GRK7: variants seen among roughly 807,000 people sequenced by gnomAD.
GRK7 encodes rhodopsin kinase GRK7.
In GRK7, 24 loss-of-function variants were observed where a neutral mutation model predicts 34.1. That is an observed-to-expected ratio of 0.70 (90% CI 0.51 to 0.99). GRK7 has a LOEUF of 0.99. Among genes scored for constraint, GRK7 ranks in the 50% least tolerant of loss-of-function variants. GRK7 has a pLI of 0.00. For missense variants in GRK7, 644 were observed against 707.3 expected (o/e 0.91, Z 1.02); for synonymous variants, 256 against 279.4 (o/e 0.92, Z 0.84).
At chr3:141,763,372 A>G (rs886929552), upstream of GRK7, among the ~76,000 whole-genome samples, 2 of 152,158 alleles carry the variant, frequency 1.3e-5, no homozygotes, top group Non-Finnish European at 2.9e-5. Flanking sequence ...GGTGAATGCA[A>G]AGTGAAAGGA....
At chr3:141,762,249 A>C (rs1056198986), upstream of GRK7, among the ~76,000 whole-genome samples, 1 of 151,726 alleles carries the variant, frequency 6.6e-6, no homozygotes, top group African/African-American at 2.4e-5. Flanking sequence ...TTGTGGTTTT[A>C]TCTACTTTTG....
At chr3:141,808,775 G>T (rs1210546777) in intron 5 of GRK7, among the ~76,000 whole-genome samples, 1 of 152,118 alleles carries the variant, frequency 6.6e-6, no homozygotes, top group Non-Finnish European at 1.5e-5. Flanking sequence ...GGAGAAATGG[G>T]AAGTTGTCTA....
chr3:141,792,419 A>G (rs1282633298), intron 4 of GRK7, among the ~76,000 whole-genome samples: 6 of 150,884 alleles, frequency 4.0e-5, no homozygotes, highest in African/African-American at 1.2e-4. Flanking sequence ...AAAAAAAAAA[A>G]GGGAACTTAA....
intron 2 of GRK7, among the ~76,000 whole-genome samples, chr3:141,776,808 CT>C (rs377256053): frequency 7.5e-6 from 1 of 133,798 alleles, no homozygotes; most frequent in African/African-American, 4.1e-5. Context: ...CTCCCTCTCT[CT>C]TTTTTTTGCT....
At position 141,784,295 on chromosome 3, in the gene GRK7, A is replaced by G. The variant is rs568825219; in HGVS notation, c.1050+3484A>G. The stretch of plus-strand genomic sequence containing the variant: ...TACTTAGTAGAGAGGCTCACTGCCT[A>G]CAGACCTTTGGCCCTTTTACCTCTG... On this transcript the variant is annotated intron_variant, in intron 4 of 5. Transcript: ENST00000682958. Among the ~76,000 whole-genome samples, 5 of 152,314 alleles carry G rather than the reference A, an allele frequency of 3.3e-5. No individual in the cohort carries two copies. The South Asian group carries it at 8.3e-4, about 25-fold the overall frequency.
At chr3:141,807,392 T>C (rs979364983) in intron 4 of GRK7, among the ~76,000 whole-genome samples, 1 of 152,194 alleles carries the variant, frequency 6.6e-6, no homozygotes, top group South Asian at 2.1e-4. Flanking sequence ...TCCCTTTTCA[T>C]GTGACCTTAG....
At chr3:141,773,740 C>T (rs188169685) in intron 1 of GRK7, among the ~76,000 whole-genome samples, 1 of 152,178 alleles carries the variant, frequency 6.6e-6, no homozygotes, top group Non-Finnish European at 1.5e-5. Context: ...AAAGCTAATA[C>T]TTTTTGATCA....
chr3:141,795,317 A>G (rs1246319591), intron 4 of GRK7, among the ~76,000 whole-genome samples: 1 of 53,888 alleles, frequency 1.9e-5, no homozygotes, highest in East Asian at 3.7e-4. Flanking sequence ...TCTAGTGGGT[A>G]GAGGCAGGGA....
At chr3:141,752,737 C>T in the GRK7 span, among the ~76,000 whole-genome samples, 2 of 152,170 alleles carry the variant, frequency 1.3e-5, no homozygotes, top group South Asian at 2.1e-4. Context: ...GGTTACATAA[C>T]CTGCTGCCAT....
chr3:141,770,136 A>G (rs1427996945), intron 1 of GRK7, among the ~76,000 whole-genome samples: 1 of 152,176 alleles, frequency 6.6e-6, no homozygotes, highest in African/African-American at 2.4e-5. Context: ...GCTGATCTCA[A>G]GTGATCTGCC....
chr3:141,807,595 C>A (rs1711048376), intron 4 of GRK7, 50 bp from the exon 5 acceptor site: 1 of 1,525,532 alleles, frequency 6.6e-7, no homozygotes, highest in Non-Finnish European at 9.0e-7. Context: ...CTACACTCAC[C>A]TTAGTGTCTT....
chr3:141,803,640 A>T (rs920929049), intron 4 of GRK7, among the ~76,000 whole-genome samples: 7 of 152,204 alleles, frequency 4.6e-5, no homozygotes, highest in African/African-American at 7.2e-5. Context: ...CATGTAATAC[A>T]TGGTCATTTG....
Position 141,817,179 on chromosome 3 carries a change from AAGAC to A in GRK7, c.*132_*135del. 1.5e-6 allele frequency: 1 copy of A among 651,552 alleles called. No individual in the cohort carries two copies. 40.4% of individuals were successfully genotyped at this position (651,552 alleles called of 1,614,324 possible). ...ACATCACAACCACAAAACAATTCAAAAGACAGGCAAGCTCACTACTAGAACACAT... is the reference window on the plus strand; with the variant it reads ...ACATCACAACCACAAAACAATTCAAAAGGCAAGCTCACTACTAGAACACAT... On this transcript the variant is annotated 3_prime_UTR_variant, in exon 6 of 6. Transcript: ENST00000682958.
At chr3:141,774,134 A>G (rs2107874107) in intron 1 of GRK7, among the ~76,000 whole-genome samples, 1 of 152,330 alleles carries the variant, frequency 6.6e-6, no homozygotes, top group East Asian at 1.9e-4. Context: ...ATTGTTAGCA[A>G]TCACAGAAAG....
intron 4 of GRK7, among the ~76,000 whole-genome samples, chr3:141,799,122 T>C (rs1266541301): frequency 6.6e-6 from 1 of 151,670 alleles, no homozygotes; most frequent in Admixed American, 6.6e-5. Context: ...AGGCAAAAAA[T>C]GGAGAATTCA....
chr3:141,812,549 G>A (rs553398701), intron 5 of GRK7, among the ~76,000 whole-genome samples: 140 of 152,304 alleles, frequency 9.2e-4, no homozygotes, highest in Admixed American at 1.8e-3. Context: ...GACATTTCTT[G>A]GGAAAAGGTA....
intron 3 of GRK7, among the ~76,000 whole-genome samples, chr3:141,779,427 GAAAGAAAGA>G (rs1207495506): frequency 4.1e-5 from 3 of 72,788 alleles, no homozygotes; most frequent in Non-Finnish European, 5.7e-5. Flanking sequence ...AAAAAAAAAA[GAAAGAAAGA>G]AAAGAAAGAA....
chr3:141,762,044 C>G (rs2084557123), upstream of GRK7, among the ~76,000 whole-genome samples: 1 of 146,312 alleles, frequency 6.8e-6, no homozygotes, highest in Non-Finnish European at 1.5e-5. Context: ...TTTTCAACTT[C>G]TTTGCCTTTG....
chr3:141,813,579 G>A (rs758222136), intron 5 of GRK7, among the ~76,000 whole-genome samples: 4 of 152,144 alleles, frequency 2.6e-5, no homozygotes, highest in Non-Finnish European at 5.9e-5. Flanking sequence ...AGACTTGGTG[G>A]CTTTTAGAAA....
Sources: gnomAD v4.1 joint callset for allele counts (sites outside exome capture counted in the v4.1 genomes callset) on GRCh38, gnomAD v4.1.1 for gene constraint, MANE v1.5 for transcripts, NCBI Gene and HGNC (gene_info 2026-07-23, HGNC 2026-07-21) for gene names.